The following BCAS3 variants were observed in gnomAD, a reference collection of about 807,000 sequenced individuals.
BCAS3 encodes BCAS4/BCAS3 fusion.
Under a neutral mutation model 116.1 loss-of-function variants are expected in BCAS3, and 53 were observed. The ratio of observed to expected loss-of-function variants is 0.46; its 90% CI spans 0.37 to 0.57. BCAS3 has a LOEUF of 0.57. Among genes scored for constraint, BCAS3 ranks in the 20% least tolerant of loss-of-function variants. The pLI is 0.00. For synonymous variants in BCAS3, 391 were observed against 408.2 expected (o/e 0.96, Z 0.51); for missense variants, 917 against 1,165.4 (o/e 0.79, Z 3.10).
At position 60,990,228 on chromosome 17, in the gene BCAS3, C is replaced by T. The variant is rs1017654818; in HGVS notation, c.1479C>T (p.Pro493=). The stretch of plus-strand genomic sequence containing the variant: ...TATCAAGCAGCCCTTCTGGGTCACC[C>T]TTGCATGGTAATTTTCTCTGTCTCC... ...PGLSSSPSGS[P]LHGKLNSQDS... is the part of the protein sequence containing the mutation. The change falls in exon 15 of 24, where the codon CCC becomes CCT. Residue 493 remains proline (P), a synonymous_variant. Transcript: ENST00000407086. The surrounding 1 kb of genome is among the most constrained non-coding windows in gnomAD (Gnocchi z 5.1). 6.2e-7 allele frequency: 1 copy of T among 1,612,460 alleles called. No individual in the cohort carries two copies. Among genetic ancestry groups the T allele is most frequent in the Non-Finnish European group, 8.5e-7 (1 of 1,178,654 alleles).
rs562441734 is a variant in BCAS3, at chr17:61,259,839, C to T, written c.2426-108488C>T. 1.3e-5 allele frequency among the ~76,000 whole-genome samples: 2 copies of T among 152,266 alleles called. No homozygotes were observed. Among genetic ancestry groups the T allele is most frequent in the South Asian group, 4.1e-4 (2 of 4,830 alleles). ...AGGGGCACCTGAGGTCACTTTTTGC[C>T]ATAAGGCATGTCACTCTGTGGCATC... is the stretch of plus-strand genomic sequence containing the variant. On this transcript the variant is annotated intron_variant, in intron 22 of 23. Coordinates refer to ENST00000407086, the MANE Select transcript of BCAS3 (RefSeq NM_017679.5). This position sits in a 1 kb window ranked among gnomAD's most constrained non-coding sequence, Gnocchi z 4.7.
intron 19 of BCAS3, among the ~76,000 whole-genome samples, chr17:61,072,010 A>G (rs2071477917): frequency 6.6e-6 from 1 of 152,114 alleles, no homozygotes; most frequent in Admixed American, 6.5e-5. Flanking sequence ...ATCCCACCAG[A>G]TTTATTTTTT....
intron 22 of BCAS3, among the ~76,000 whole-genome samples, chr17:61,101,281 A>G (rs1174625794): frequency 1.3e-5 from 2 of 152,140 alleles, no homozygotes; most frequent in South Asian, 4.1e-4. Flanking sequence ...ATTTTCAGCT[A>G]GGAAAGCCAC....
intron 5 of BCAS3, chr17:60,727,632 G>A: frequency 1.9e-6 from 1 of 521,958 alleles, no homozygotes; most frequent in Non-Finnish European, 3.3e-6. Context: ...TGAGTAGAAA[G>A]TATACGGAGG....
intron 22 of BCAS3, among the ~76,000 whole-genome samples, chr17:61,287,243 TAA>T (rs199604062): frequency 7.3e-6 from 1 of 136,220 alleles, no homozygotes; most frequent in African/African-American, 2.7e-5. Context: ...GCCAGACTCT[TAA>T]AAAAAAAAAA....
chr17:61,006,505 A>G (rs564774283), intron 15 of BCAS3, among the ~76,000 whole-genome samples: 18 of 152,184 alleles, frequency 1.2e-4, no homozygotes, highest in African/African-American at 3.6e-4. Context: ...AAGCATTTCT[A>G]TTTACTCTGT....
At position 61,213,815 on chromosome 17, in the gene BCAS3, T is replaced by G. The variant is rs2081614088; in HGVS notation, c.2425+129251T>G. Among the ~76,000 whole-genome samples, 4 of 152,114 alleles carry G rather than the reference T, an allele frequency of 2.6e-5. No homozygotes were observed. Among genetic ancestry groups the G allele is most frequent in the Admixed American group, 2.6e-4 (4 of 15,252 alleles). On this transcript the variant is annotated intron_variant, in intron 22 of 23. Coordinates refer to ENST00000407086, the MANE Select transcript of BCAS3 (RefSeq NM_017679.5). The surrounding 1 kb of genome is among the most constrained non-coding windows in gnomAD (Gnocchi z 5.4). ...GATTACCAAATCACAGCTCCCAACA[T>G]GTGATTATAAGGGTAGCAGGCAGGA...
At chr17:60,903,123 A>T (rs2058004779) in intron 11 of BCAS3, among the ~76,000 whole-genome samples, 1 of 152,176 alleles carries the variant, frequency 6.6e-6, no homozygotes, top group Non-Finnish European at 1.5e-5. Context: ...GTTAATTTTG[A>T]TGATGTCTGG....
chr17:60,951,287 A>G (rs1393379133), intron 14 of BCAS3, among the ~76,000 whole-genome samples: 1 of 152,154 alleles, frequency 6.6e-6, no homozygotes, highest in Non-Finnish European at 1.5e-5. Flanking sequence ...ATGCAACTGT[A>G]GTAGTGATAG....
intron 6 of BCAS3, among the ~76,000 whole-genome samples, chr17:60,756,969 C>T (rs11654344): frequency 0.73 from 110,297 of 152,028 alleles, 45,717 homozygotes; most frequent in South Asian, 0.98. Flanking sequence ...TCAAGACCAT[C>T]CTGGCCAACA....
intron 6 of BCAS3, among the ~76,000 whole-genome samples, chr17:60,751,236 T>G (rs999077405): frequency 1.3e-5 from 2 of 152,200 alleles, no homozygotes; most frequent in Admixed American, 6.5e-5. Flanking sequence ...TAATAATTGA[T>G]TATTTTCTTA....
At chr17:60,946,893 C>T (rs2060529962) in intron 13 of BCAS3, among the ~76,000 whole-genome samples, 3 of 152,054 alleles carry the variant, frequency 2.0e-5, no homozygotes, top group South Asian at 4.2e-4. Flanking sequence ...CCTGGGCAAC[C>T]GAGTGAGGTT....
At position 61,256,416 on chromosome 17, in the gene BCAS3, G is replaced by T. The variant is rs896146458; in HGVS notation, c.2426-111911G>T. Reference sequence around the variant, plus strand: ...CCTCTGGGGTTCAAGTGATTCTCCTGTCTCAGCCTCCTGAGTAGCTGGGAT... The same window carrying T: ...CCTCTGGGGTTCAAGTGATTCTCCTTTCTCAGCCTCCTGAGTAGCTGGGAT... On this transcript the variant is annotated intron_variant, in intron 22 of 23. Transcript: ENST00000407086. The surrounding 1 kb of genome is among the most constrained non-coding windows in gnomAD (Gnocchi z 5.6). 3.9e-5 allele frequency among the ~76,000 whole-genome samples: 6 copies of T among 152,172 alleles called. No homozygotes were observed. Among genetic ancestry groups the T allele is most frequent in the Admixed American group, 3.9e-4 (6 of 15,266 alleles).
intron 22 of BCAS3, among the ~76,000 whole-genome samples, chr17:61,197,960 T>C (rs564724970): frequency 2.6e-5 from 4 of 152,270 alleles, no homozygotes; most frequent in South Asian, 4.1e-4. Flanking sequence ...GTGTGTTAGG[T>C]GTTGGCTCTG....
At chr17:60,678,475 C>T (rs2032378683) in intron 1 of BCAS3, among the ~76,000 whole-genome samples, 2 of 152,104 alleles carry the variant, frequency 1.3e-5, no homozygotes, top group African/African-American at 4.8e-5. Context: ...CCTCTTTTAA[C>T]CTTAACCAAG....
chr17:61,332,182 C>A lies in BCAS3; in HGVS notation c.2426-36145C>A, dbSNP rs764997461. On this transcript the variant is annotated intron_variant, in intron 22 of 23. Transcript: ENST00000407086. The surrounding 1 kb of genome is among the most constrained non-coding windows in gnomAD (Gnocchi z 5.4). ...TCTGGAAAGGCTCTGCAGAGAGACA[C>A]CTGGATGGCTTCTCTTCTATGTTTC... 5.3e-5 allele frequency among the ~76,000 whole-genome samples: 8 copies of A among 152,162 alleles called. No homozygotes were observed. The highest frequency in any genetic ancestry group is 5.2e-4 in the Admixed American group (8 of 15,270).
intron 6 of BCAS3, among the ~76,000 whole-genome samples, chr17:60,763,996 A>G (rs1399119570): frequency 6.6e-6 from 1 of 152,130 alleles, no homozygotes; most frequent in African/African-American, 2.4e-5. Flanking sequence ...AGGTGTTTAT[A>G]GTATTCTCTG....
Position 61,348,846 on chromosome 17 carries a change from A to G in BCAS3, c.2426-19481A>G, listed in dbSNP as rs1392641985. Among the ~76,000 whole-genome samples, 1 of 145,756 alleles carries G rather than the reference A, an allele frequency of 6.9e-6. No individual in the cohort carries two copies. Reference sequence around the variant, plus strand: ...CGGCTCACTGCAAGCTCCGCCTCCCAGGTTAATGCCATTCTCCTGCCTCAG... The same window carrying G: ...CGGCTCACTGCAAGCTCCGCCTCCCGGGTTAATGCCATTCTCCTGCCTCAG... On this transcript the variant is annotated intron_variant, in intron 22 of 23. Transcript: ENST00000407086. The surrounding 1 kb of genome is among the most constrained non-coding windows in gnomAD (Gnocchi z 4.5).
At position 60,860,338 on chromosome 17, in the gene BCAS3, A is replaced by C. The variant is rs540109394; in HGVS notation, c.477-8238A>C. Among the ~76,000 whole-genome samples, 4 of 152,230 alleles carry C rather than the reference A, an allele frequency of 2.6e-5. No homozygotes were observed. The East Asian group carries it at 5.8e-4, about 22-fold the overall frequency. On this transcript the variant is annotated intron_variant, in intron 7 of 23. Transcript: ENST00000407086. ...TGTTCACGTACTTTGCCCATTTTTT[A>C]AATGGGGTTATTTCTTGCTTGTTGA...
Sources: allele counts gnomAD v4.1 joint callset (sites outside exome capture counted in the v4.1 genomes callset), GRCh38; gene constraint gnomAD v4.1.1; non-coding constraint Gnocchi (gnomAD v3.1); transcripts MANE v1.5; gene names NCBI Gene and HGNC (gene_info 2026-07-23, HGNC 2026-07-21).